Variants in ZNF629 observed in about 807,000 individuals in gnomAD.
ZNF629 encodes zinc finger protein 629.
A neutral mutation model predicts 59.7 loss-of-function variants in ZNF629; 9 were observed. The ratio of observed to expected loss-of-function variants is 0.15; its 90% CI spans 0.09 to 0.26. The LOEUF is 0.26. Among genes scored for constraint, ZNF629 ranks in the 10% least tolerant of loss-of-function variants. The pLI is 1.00. For missense variants in ZNF629, 853 were observed against 1,165.4 expected, an observed-to-expected ratio of 0.73 and a Z score of 3.90; for synonymous variants, 509 against 498.9, an observed-to-expected ratio of 1.02 and a Z score of -0.27.
At chr16:30,784,388 A>G (rs1393368808) in intron 2 of ZNF629, 22 bp downstream of exon 2, 6 of 1,556,008 alleles carry the variant, frequency 3.9e-6, no homozygotes, top group Non-Finnish European at 4.3e-6. Flanking sequence ...CCGGGACCGC[A>G]GCCCCTTCTT....
At chr16:30,784,305 G>A (rs1422293458) in intron 2 of ZNF629, 51 bp from the exon 3 acceptor site, 1 of 1,561,708 alleles carries the variant, frequency 6.4e-7, no homozygotes, top group Non-Finnish European at 8.6e-7. Context: ...AGAACACGGG[G>A]TTTGGTCTCT....
Position 30,782,003 on chromosome 16 carries a change from G to A in ZNF629, c.2325C>T (p.Ala775=). 4 of 1,569,080 alleles carry A rather than the reference G, an allele frequency of 2.5e-6. No individual in the cohort carries two copies. Among genetic ancestry groups the A allele is most frequent in the Non-Finnish European group, 3.5e-6 (4 of 1,157,842 alleles). The change falls in exon 3 of 3, where the codon GCC becomes GCT. Residue 775 remains alanine (A), a synonymous_variant. Coordinates refer to ENST00000262525, the MANE Select transcript of ZNF629 (RefSeq NM_001080417.3). ...ARPYRCSDCR[A]SFLDRVALTR... Reference sequence around the variant, plus strand: ...TGAGGGCCACGCGGTCGAGGAAGGAGGCCCTGCAATCTGAGCAGCGGTAGG... The same window carrying A: ...TGAGGGCCACGCGGTCGAGGAAGGAAGCCCTGCAATCTGAGCAGCGGTAGG...
In ZNF629 at chr16:30,781,124, T is replaced by C. The variant is rs893927; in HGVS notation, c.*594A>G. ...TTATCTCCTCTGGGGGCTCCAGAGC[T>C]CCTGGTCACTTATTTTTCTCCTATT... is the stretch of plus-strand genomic sequence containing the variant. On this transcript the variant is annotated 3_prime_UTR_variant, in exon 3 of 3. Transcript: ENST00000262525. 147,116 of 152,202 alleles carry C rather than the reference T, an allele frequency of 0.97. 71,251 individuals are homozygous for C. Among genetic ancestry groups the C allele is most frequent in the Middle Eastern group, 1 (294 of 294 alleles). 9.4% of individuals were successfully genotyped at this position (152,202 alleles called of 1,614,324 possible). A position where few individuals can be genotyped will look rare whatever the true frequency, so the allele number is the denominator to read the frequency against.
rs1161613855 is a variant in ZNF629, at chr16:30,787,147, G to A, written c.-153C>T. 6.5e-6 allele frequency: 1 copy of A among 152,936 alleles called. No homozygotes were observed. The highest frequency in any genetic ancestry group is 2.4e-5 in the African/African-American group (1 of 41,478). The allele number at this position is 152,936 out of a possible 1,614,324, so 9.5% of individuals were successfully genotyped here. On this transcript the variant is annotated 5_prime_UTR_variant, in exon 1 of 3. Transcript: ENST00000262525. ...AGGACTCTGGGGTCCTTCTCAAGGG[G>A]TGATTCCAGGCTGAGGACCCGGGGA...
rs1418145827 is a variant in ZNF629, at chr16:30,781,499, C to T, written c.*219G>A. Reference sequence around the variant, plus strand: ...CTACATATTTATAGGGTTTCTAACCCAACAGTTTTTCTCTACTGCCTTATA... The same window carrying T: ...CTACATATTTATAGGGTTTCTAACCTAACAGTTTTTCTCTACTGCCTTATA... On this transcript the variant is annotated 3_prime_UTR_variant, in exon 3 of 3. Coordinates refer to ENST00000262525, the MANE Select transcript of ZNF629 (RefSeq NM_001080417.3). 2 of 413,260 alleles carry T rather than the reference C, an allele frequency of 4.8e-6. No individual in the cohort carries two copies. The highest frequency in any genetic ancestry group is 8.4e-6 in the Non-Finnish European group (2 of 236,838). 25.6% of individuals were successfully genotyped at this position (413,260 alleles called of 1,614,324 possible).
chr16:30,780,865 CT>C lies in ZNF629; in HGVS notation c.*852del, dbSNP rs1031205304. 6.6e-6 allele frequency: 1 copy of C among 152,172 alleles called. No individual in the cohort carries two copies. Among genetic ancestry groups the C allele is most frequent in the African/African-American group, 2.4e-5 (1 of 41,440 alleles). The allele number at this position is 152,172 out of a possible 1,614,324, so 9.4% of individuals were successfully genotyped here. On this transcript the variant is annotated 3_prime_UTR_variant, in exon 3 of 3. Transcript: ENST00000262525. ...GCAATCTAACAGAAACTGCCCCCTGCTTCCCCCTAATTTTTGTGGTGGTTTC... is the reference window on the plus strand; with the variant it reads ...GCAATCTAACAGAAACTGCCCCCTGCTCCCCCTAATTTTTGTGGTGGTTTC...
In ZNF629 at chr16:30,786,783, C is replaced by T. The variant is rs2054336987; in HGVS notation, c.-34+245G>A. Among the ~76,000 whole-genome samples, 1 of 151,408 alleles carries T rather than the reference C, an allele frequency of 6.6e-6. No homozygotes were observed. Among genetic ancestry groups the T allele is most frequent in the South Asian group, 2.1e-4 (1 of 4,834 alleles). On this transcript the variant is annotated intron_variant, in intron 1 of 2. Transcript: ENST00000262525. The surrounding 1 kb of genome is among the most constrained non-coding windows in gnomAD (Gnocchi z 4.8). The stretch of plus-strand genomic sequence containing the variant: ...GGGCTGCGCTGGCAGCGCTGGTCCC[C>T]GGCCCCGGCCGATCCCTCTTCCCAG...
rs1181375170 is a variant in ZNF629 at position 30,784,131 on chromosome 16, G to A, written c.197C>T (p.Ser66Phe). ...KDSTEMSLER[S>F]SQDPSVPQNP... The stretch of plus-strand genomic sequence containing the variant: ...CTGGGGGACAGAGGGGTCCTGGGAG[G>A]ATCTCTCCAGGGACATCTCTGTTGA... Residue 66 changes from serine to phenylalanine, a missense_variant, in exon 3 of 3, where the codon TCC (serine) becomes TTC (phenylalanine). Physicochemically the swap from Ser to Phe is radical, Grantham distance 155. Transcript: ENST00000262525. 3.7e-6 allele frequency: 6 copies of A among 1,609,272 alleles called. No homozygotes were observed. Among genetic ancestry groups the A allele is most frequent in the Non-Finnish European group, 5.1e-6 (6 of 1,179,020 alleles).
At position 30,784,489 on chromosome 16, in the gene ZNF629, G is replaced by A; in HGVS notation, c.-7C>T. ...GCGCAGTCTCGGGCTCCATCCCAGA[G>A]CTCAGGACTGCAGTGTTCCAGGGAC... On this transcript the variant is annotated 5_prime_UTR_variant, in exon 2 of 3. Transcript: ENST00000262525. 1 of 1,542,954 alleles carries A rather than the reference G, an allele frequency of 6.5e-7. No individual in the cohort carries two copies. The highest frequency in any genetic ancestry group is 1.2e-5 in the South Asian group (1 of 83,954).
At position 30,782,852 on chromosome 16, in the gene ZNF629, G is replaced by A; in HGVS notation, c.1476C>T (p.Gly492=). 1.2e-6 allele frequency: 2 copies of A among 1,614,144 alleles called. No individual in the cohort carries two copies. The highest frequency in any genetic ancestry group is 4.5e-5 in the East Asian group (2 of 44,878). ...GEKPYKCPEC[G]KSFSQSSNLI... is the part of the protein sequence containing the mutation. ...GGTTGGAGCTCTGGCTGAAGCTCTT[G>A]CCGCACTCGGGGCACTTGTAGGGCT... Residue 492 remains glycine, a synonymous_variant, in exon 3 of 3, where the codon GGC becomes GGT. Coordinates refer to ENST00000262525, the MANE Select transcript of ZNF629 (RefSeq NM_001080417.3).
Position 30,783,413 on chromosome 16 carries a change from G to A in ZNF629, c.915C>T (p.Leu305=), listed in dbSNP as rs747355887. ...CCGCGTGGATCTTCTGGTGCTTGAG[G>A]AGGTTGTGGTTCTGGCCGAAGCGCT... is the stretch of plus-strand genomic sequence containing the variant. ...CGKRFGQNHN[L]LKHQKIHAGE... The change falls in exon 3 of 3, where the codon CTC becomes CTT. Residue 305 remains leucine, a synonymous_variant. Transcript: ENST00000262525. 7.4e-6 allele frequency: 12 copies of A among 1,613,282 alleles called. No homozygotes were observed. Among genetic ancestry groups the A allele is most frequent in the Middle Eastern group, 1.7e-4 (1 of 6,056 alleles).
rs1199853797 is a variant in ZNF629, at chr16:30,783,371, G to A, written c.957C>T (p.Arg319=). The A allele has an allele frequency of 6.2e-7, 1 of 1,612,220 alleles. No homozygotes were observed. Among genetic ancestry groups the A allele is most frequent in the East Asian group, 2.2e-5 (1 of 44,744 alleles). ...QKIHAGEKPY[R]CTECGKSFIQ... ...TGAAGCTCTTCCCGCACTCGGTGCA[G>A]CGGTATGGCTTCTCGCCCGCGTGGA... is the stretch of plus-strand genomic sequence containing the variant. The change falls in exon 3 of 3, where the codon CGC becomes CGT. Residue 319 remains arginine (R), a synonymous_variant. Coordinates refer to ENST00000262525, the MANE Select transcript of ZNF629 (RefSeq NM_001080417.3).
Position 30,783,046 on chromosome 16 carries a change from G to T in ZNF629, c.1282C>A (p.Arg428=). The T allele has an allele frequency of 1.2e-6, 2 of 1,612,372 alleles. No homozygotes were observed. The highest frequency in any genetic ancestry group is 1.7e-6 in the Non-Finnish European group (2 of 1,179,638). The change falls in exon 3 of 3, where the codon CGG becomes AGG. Residue 428 remains arginine, a synonymous_variant. Coordinates refer to ENST00000262525, the MANE Select transcript of ZNF629 (RefSeq NM_001080417.3). ...INHQRIHRGE[R]PYICADCGKS... is the part of the protein sequence containing the mutation. ...CCGCAGTCGGCGCAGATGTAGGGCC[G>T]CTCGCCGCGGTGGATGCGCTGGTGG... is the stretch of plus-strand genomic sequence containing the variant.
Position 30,784,128 on chromosome 16 carries a change from G to C in ZNF629, c.200C>G (p.Ser67Cys), listed in dbSNP as rs773901924. ...GTTCTGGGGGACAGAGGGGTCCTGG[G>C]AGGATCTCTCCAGGGACATCTCTGT... ...DSTEMSLERS[S>C]QDPSVPQNPP... The change falls in exon 3 of 3, where the codon TCC becomes TGC. Residue 67 changes from serine to cysteine, a missense_variant. This residue lies in a region of ZNF629 where 232 missense variants were observed against 193.4 expected (regional missense o/e 1.20). Coordinates refer to ENST00000262525, the MANE Select transcript of ZNF629 (RefSeq NM_001080417.3). 3.4e-5 allele frequency: 54 copies of C among 1,609,296 alleles called. No individual in the cohort carries two copies. The highest frequency in any genetic ancestry group is 4.6e-5 in the Non-Finnish European group (54 of 1,179,036).
Position 30,781,943 on chromosome 16 carries a change from G to A in ZNF629, c.2385C>T (p.Pro795=), listed in dbSNP as rs753356441. Residue 795 remains proline, a synonymous_variant, in exon 3 of 3, where the codon CCC becomes CCT. Transcript: ENST00000262525. The part of the protein sequence containing the change: ...RHQETHTQEK[P]PNPEDPPPEA... ...CTGGAGGGGGGTCCTCGGGATTGGG[G>A]GGTTTTTCCTGGGTGTGGGTTTCTT... is the stretch of plus-strand genomic sequence containing the variant. The A allele has an allele frequency of 6.5e-7, 1 of 1,540,132 alleles. No individual in the cohort carries two copies. The highest frequency in any genetic ancestry group is 2.1e-5 in the Admixed American group (1 of 47,822).
rs959757254 is a variant in ZNF629 at position 30,779,229 on chromosome 16, C to T, written c.*2489G>A. Reference sequence around the variant, plus strand: ...TGCTACACCCTAGTCCGAAACAGGCCTGCGCCGGCCTTCAGTCACACTGCC... The same window carrying T: ...TGCTACACCCTAGTCCGAAACAGGCTTGCGCCGGCCTTCAGTCACACTGCC... On this transcript the variant is annotated 3_prime_UTR_variant, in exon 3 of 3. Transcript: ENST00000262525. 1 of 152,342 alleles carries T rather than the reference C, an allele frequency of 6.6e-6. No individual in the cohort carries two copies. The highest frequency in any genetic ancestry group is 2.4e-5 in the African/African-American group (1 of 41,448). 9.4% of individuals were successfully genotyped at this position (152,342 alleles called of 1,614,324 possible).
chr16:30,783,833 C>G lies in ZNF629; in HGVS notation c.495G>C (p.Leu165=), dbSNP rs572832106. The G allele has an allele frequency of 2.5e-6, 4 of 1,612,426 alleles. No individual in the cohort carries two copies. In the African/African-American group the frequency reaches 5.3e-5, roughly 21 times the overall value. The change falls in exon 3 of 3, where the codon CTG becomes CTC. Residue 165 remains leucine, a synonymous_variant. Coordinates refer to ENST00000262525, the MANE Select transcript of ZNF629 (RefSeq NM_001080417.3). ...CCGTGTGGATGCGCTGGTGCCGCAG[C>G]AGCTTGGACCACTGGCTGAAGCTCT... ...CGKSFSQWSK[L]LRHQRIHTGE...
chr16:30,784,086 C>T lies in ZNF629; in HGVS notation c.242G>A (p.Gly81Asp). 1 of 1,602,676 alleles carries T rather than the reference C, an allele frequency of 6.2e-7. No individual in the cohort carries two copies. The highest frequency in any genetic ancestry group is 8.5e-7 in the Non-Finnish European group (1 of 1,176,896). ...SVPQNPPTPLGHSNPLDHQIP... is the reference protein window; with the variant it reads ...SVPQNPPTPLDHSNPLDHQIP... ...CTGGTGGTCCAAGGGATTGGAGTGACCCAGTGGGGTTGGGGGGTTCTGGGG... is the reference window on the plus strand; with the variant it reads ...CTGGTGGTCCAAGGGATTGGAGTGATCCAGTGGGGTTGGGGGGTTCTGGGG... Residue 81 changes from glycine (G) to aspartate (D), a missense_variant, in exon 3 of 3, where the codon GGT becomes GAT. This residue lies in a region of ZNF629 where 232 missense variants were observed against 193.4 expected (regional missense o/e 1.20). Coordinates refer to ENST00000262525, the MANE Select transcript of ZNF629 (RefSeq NM_001080417.3).
Position 30,783,209 on chromosome 16 carries a change from C to T in ZNF629, c.1119G>A (p.Pro373=), listed in dbSNP as rs755670958. The change falls in exon 3 of 3, where the codon CCG becomes CCA. Residue 373 remains proline (P), a synonymous_variant. Transcript: ENST00000262525. ...TCTTGCCGCACACTGGGCACTTGAA[C>T]GGGTCCTCGCGCAGGTGAGTCCGCT... The part of the protein sequence containing the change: ...KHQRTHLRED[P]FKCPVCGKTF... 3 of 1,609,386 alleles carry T rather than the reference C, an allele frequency of 1.9e-6. No individual in the cohort carries two copies. Among genetic ancestry groups the T allele is most frequent in the Admixed American group, 1.7e-5 (1 of 59,452 alleles).
Sources: allele counts gnomAD v4.1 joint callset (sites outside exome capture counted in the v4.1 genomes callset), GRCh38; gene constraint gnomAD v4.1.1; regional missense constraint gnomAD v4.1.1; non-coding constraint Gnocchi (gnomAD v3.1); transcripts MANE v1.5; gene names NCBI Gene and HGNC (gene_info 2026-07-23, HGNC 2026-07-21).